Variants in LHFPL3 observed in about 807,000 individuals in gnomAD.
LHFPL3 encodes the protein LHFPL tetraspan subfamily member 3 protein.
Under a neutral mutation model 19.3 loss-of-function variants are expected in LHFPL3, and 5 were observed. That is an observed-to-expected ratio of 0.26 (90% CI 0.14 to 0.54). The LOEUF (loss-of-function observed/expected upper bound fraction) is 0.54, where lower values mean the gene tolerates loss of function less well. Among genes scored for constraint, LHFPL3 ranks in the 20% least tolerant of loss-of-function variants. LHFPL3 has a pLI of 0.94. For synonymous variants in LHFPL3, 133 were observed against 126.2 expected, an observed-to-expected ratio of 1.05 and a Z score of -0.36; for missense variants, 249 against 307.4, an observed-to-expected ratio of 0.81 and a Z score of 1.42.
intron 1 of LHFPL3, among the ~76,000 whole-genome samples, chr7:104,609,972 A>G (rs547285446): frequency 4.5e-4 from 69 of 152,290 alleles, no homozygotes; most frequent in African/African-American, 1.6e-3. Context: ...TGTTTCAAGA[A>G]CACCTTTTCT....
chr7:104,452,734 G>A (rs1183372340), intron 1 of LHFPL3, among the ~76,000 whole-genome samples: 1 of 151,828 alleles, frequency 6.6e-6, no homozygotes, highest in East Asian at 1.9e-4. Flanking sequence ...TTCTTACATA[G>A]TAAAGAACTT....
intron 1 of LHFPL3, among the ~76,000 whole-genome samples, chr7:104,364,513 A>G (rs927978470): frequency 1.6e-4 from 24 of 152,250 alleles, no homozygotes; most frequent in Admixed American, 1.2e-3. Flanking sequence ...CATAAGTCCA[A>G]AGAACCCAGA....
At chr7:104,692,099 CT>C (rs1792915990) in intron 1 of LHFPL3, among the ~76,000 whole-genome samples, 1 of 152,160 alleles carries the variant, frequency 6.6e-6, no homozygotes. Flanking sequence ...TTTAGGGTAT[CT>C]GGCAGAAGAA....
chr7:104,520,590 GT>G (rs1205907961), intron 1 of LHFPL3, among the ~76,000 whole-genome samples: 7 of 138,452 alleles, frequency 5.1e-5, no homozygotes, highest in African/African-American at 1.9e-4. Context: ...ACTCTTTTTG[GT>G]TGGTAAGCTA....
At chr7:104,753,312 A>G (rs1199288349) in intron 2 of LHFPL3, among the ~76,000 whole-genome samples, 2 of 152,214 alleles carry the variant, frequency 1.3e-5, no homozygotes, top group Non-Finnish European at 2.9e-5. Flanking sequence ...TCACAGAAAC[A>G]ATTGATGTAT....
At position 104,498,663 on chromosome 7, in the gene LHFPL3, A is replaced by C. The variant is rs1793537916; in HGVS notation, c.445+169439A>C. 1.3e-5 allele frequency among the ~76,000 whole-genome samples: 2 copies of C among 152,052 alleles called. 1 individual carries two copies. Among genetic ancestry groups the C allele is most frequent in the South Asian group, 4.2e-4 (2 of 4,818 alleles). ...CTGCTAACTTTTGTATTTTTAGTAG[A>C]GACGGGGTTTCACCATGTTGACCAG... On this transcript the variant is annotated intron_variant, in intron 1 of 2. Transcript: ENST00000424859.
At chr7:104,390,455 G>C (rs528676191) in intron 1 of LHFPL3, among the ~76,000 whole-genome samples, 11 of 151,392 alleles carry the variant, frequency 7.3e-5, no homozygotes, top group African/African-American at 2.7e-4. Flanking sequence ...TTCTGTCCTT[G>C]TGATAGTTTG....
chr7:104,710,391 A>ATTTTGTTTCAGAC (rs953642766), intron 1 of LHFPL3, among the ~76,000 whole-genome samples: 1 of 152,136 alleles, frequency 6.6e-6, no homozygotes. Context: ...TAGTTAATTA[A>ATTTTGTTTCAGAC]TTTTGTTTCA....
intron 1 of LHFPL3, among the ~76,000 whole-genome samples, chr7:104,633,149 C>G (rs1025763471): frequency 1.2e-4 from 18 of 151,970 alleles, no homozygotes; most frequent in Admixed American, 1.1e-3. Flanking sequence ...TCTTTCCAAC[C>G]CTGGCTAAGG....
intron 1 of LHFPL3, among the ~76,000 whole-genome samples, chr7:104,481,924 C>T (rs1439900093): frequency 2.6e-5 from 4 of 152,160 alleles, no homozygotes; most frequent in African/African-American, 9.7e-5. Context: ...CTGTTGGTGC[C>T]TTGCTCACCT....
intron 1 of LHFPL3, among the ~76,000 whole-genome samples, chr7:104,437,767 G>GCACCTCAGCACCTCCCT (rs1335556293): frequency 3.9e-5 from 6 of 152,126 alleles, no homozygotes. Context: ...GTCTCTGGGG[G>GCACCTCAGCACCTCCCT]CCTGCCCTCA....
chr7:104,476,374 T>A (rs984538347), intron 1 of LHFPL3, among the ~76,000 whole-genome samples: 2 of 152,200 alleles, frequency 1.3e-5, no homozygotes, highest in African/African-American at 4.8e-5. Context: ...ACCCACATGT[T>A]GAAGGAAATA....
intron 2 of LHFPL3, among the ~76,000 whole-genome samples, chr7:104,821,886 G>A (rs187568543): frequency 1.3e-5 from 2 of 152,308 alleles, no homozygotes; most frequent in Admixed American, 1.3e-4. Flanking sequence ...TGTAATCAAA[G>A]GTCAGTGAAT....
intron 1 of LHFPL3, among the ~76,000 whole-genome samples, chr7:104,584,110 A>G (rs1349075703): frequency 6.6e-6 from 1 of 152,146 alleles, no homozygotes; most frequent in South Asian, 2.1e-4. Context: ...CATATACACC[A>G]TGGAATACTA....
chr7:104,340,534 A>T (rs1009111925), intron 1 of LHFPL3, among the ~76,000 whole-genome samples: 1 of 152,202 alleles, frequency 6.6e-6, no homozygotes, highest in Admixed American at 6.5e-5. Context: ...TACTAAAGAG[A>T]TCAGGGCCAG....
chr7:104,564,281 C>G (rs957276596), intron 1 of LHFPL3, among the ~76,000 whole-genome samples: 3 of 152,156 alleles, frequency 2.0e-5, no homozygotes, highest in African/African-American at 7.2e-5. Context: ...AGGGTCTTAG[C>G]TTTGCTAATC....
chr7:104,674,148 A>C (rs1050732855), intron 1 of LHFPL3, among the ~76,000 whole-genome samples: 1 of 148,700 alleles, frequency 6.7e-6, no homozygotes, highest in African/African-American at 2.5e-5. Context: ...CATGTTCTTC[A>C]TAATTTCAGT....
chr7:104,387,785 CAA>C (rs1051678633), intron 1 of LHFPL3, among the ~76,000 whole-genome samples: 1 of 152,126 alleles, frequency 6.6e-6, no homozygotes, highest in African/African-American at 2.4e-5. Flanking sequence ...TATTGAAAGA[CAA>C]AGAGAAATTT....
chr7:104,720,658 T>C (rs891058354), intron 1 of LHFPL3, among the ~76,000 whole-genome samples: 3 of 152,054 alleles, frequency 2.0e-5, no homozygotes, highest in Non-Finnish European at 2.9e-5. Context: ...AAAGGGCTAA[T>C]ATACAGAATC....
Sources: allele counts gnomAD v4.1 joint callset (sites outside exome capture counted in the v4.1 genomes callset), GRCh38; gene constraint gnomAD v4.1.1; transcripts MANE v1.5; gene names NCBI Gene and HGNC (gene_info 2026-07-23, HGNC 2026-07-21).